Variants in FHOD3 observed in about 807,000 individuals in gnomAD.
The protein encoded by FHOD3 is FH1/FH2 domain-containing protein 3.
In FHOD3, 90 loss-of-function variants were observed where a neutral mutation model predicts 173.0. The observed-to-expected ratio is 0.52, with a 90% confidence interval of 0.44 to 0.62. The LOEUF is 0.62. Among genes scored for constraint, FHOD3 ranks in the 20% least tolerant of loss-of-function variants. The pLI is 0.00. For synonymous variants in FHOD3, 828 were observed against 823.0 expected (o/e 1.01, Z -0.10); for missense variants, 1,945 against 2,034.7 (o/e 0.96, Z 0.85).
At chr18:36,574,259 G>C (rs1279501696) in intron 5 of FHOD3, among the ~76,000 whole-genome samples, 1 of 152,180 alleles carries the variant, frequency 6.6e-6, no homozygotes, top group Middle Eastern at 3.4e-3. Context: ...AACCTCTCTA[G>C]TGTTTGATAC....
chr18:36,743,908 A>G (rs895542967), intron 22 of FHOD3, 124 bp from the exon 23 acceptor site: 1 of 1,070,990 alleles, frequency 9.3e-7, no homozygotes, highest in African/African-American at 1.6e-5. Flanking sequence ...ATGTGGCCCC[A>G]GGAGCTTCAG....
chr18:36,380,038 G>A (rs745399637), intron 3 of FHOD3, among the ~76,000 whole-genome samples: 1 of 152,170 alleles, frequency 6.6e-6, no homozygotes, highest in Non-Finnish European at 1.5e-5. Context: ...TGTTGTATTA[G>A]AAATACCTAA....
At chr18:36,687,022 G>A in intron 15 of FHOD3, 106 bp from the exon 16 acceptor site, 2 of 751,854 alleles carry the variant, frequency 2.7e-6, no homozygotes, top group Non-Finnish European at 4.3e-6. Context: ...TTCTGAGGCA[G>A]TGCCAGTCTT....
At chr18:36,725,122 TCCTGTACCTGGAG>T (rs147655089) in intron 19 of FHOD3, among the ~76,000 whole-genome samples, 2,408 of 152,316 alleles carry the variant, frequency 0.016, 51 homozygotes, top group African/African-American at 0.055. Flanking sequence ...TAGTCTAGCA[TCCTGTACCTGGAG>T]CCTGGGCTCA....
At chr18:36,553,397 C>A (rs996486612) in intron 5 of FHOD3, among the ~76,000 whole-genome samples, 3 of 152,184 alleles carry the variant, frequency 2.0e-5, no homozygotes, top group African/African-American at 4.8e-5. Flanking sequence ...AGGAATGGTA[C>A]CAGCTCTTCT....
chr18:36,332,475 G>A (rs2045070858), intron 1 of FHOD3, among the ~76,000 whole-genome samples: 2 of 152,240 alleles, frequency 1.3e-5, no homozygotes, highest in Admixed American at 6.5e-5. Context: ...AGATGCTCCT[G>A]CTAGAGATGT....
chr18:36,330,585 C>T (rs558429507), intron 1 of FHOD3, among the ~76,000 whole-genome samples: 1 of 152,074 alleles, frequency 6.6e-6, no homozygotes, highest in Non-Finnish European at 1.5e-5. Context: ...CTGTGGCGTG[C>T]AGGGCTGACC....
At chr18:36,619,746 A>G (rs80102630) in intron 9 of FHOD3, among the ~76,000 whole-genome samples, 22,204 of 152,286 alleles carry the variant, frequency 0.15, 1,734 homozygotes, top group African/African-American at 0.18. Flanking sequence ...TGCAGACAGC[A>G]ATCAAGAACG....
intron 19 of FHOD3, among the ~76,000 whole-genome samples, chr18:36,729,428 G>A (rs1385079974): frequency 1.3e-5 from 2 of 152,202 alleles, no homozygotes; most frequent in South Asian, 4.1e-4. Context: ...TCACCCCACA[G>A]ACACTGTCTT....
intron 4 of FHOD3, among the ~76,000 whole-genome samples, 167 bp downstream of exon 4, chr18:36,502,166 T>A (rs2055065647): frequency 6.6e-6 from 1 of 152,186 alleles, no homozygotes; most frequent in Non-Finnish European, 1.5e-5. Flanking sequence ...TGAGAATTTT[T>A]ATCATGTCAA....
chr18:36,460,881 G>A (rs2052508299), intron 3 of FHOD3, among the ~76,000 whole-genome samples: 1 of 152,172 alleles, frequency 6.6e-6, no homozygotes, highest in Non-Finnish European at 1.5e-5. Flanking sequence ...ACATGCTCCT[G>A]CTCCCCCTTC....
chr18:36,722,366 C>T (rs4799430), intron 19 of FHOD3, among the ~76,000 whole-genome samples: 75,060 of 151,900 alleles, frequency 0.49, 18,724 homozygotes, highest in African/African-American at 0.54. Context: ...TCTCAAAGGG[C>T]AGCTTCTATG....
At chr18:36,688,564 C>T (rs1177135879) in intron 16 of FHOD3, among the ~76,000 whole-genome samples, 4 of 152,224 alleles carry the variant, frequency 2.6e-5, no homozygotes, top group Admixed American at 2.0e-4. Context: ...TTATATTTCT[C>T]ACTAGTACCT....
Position 36,355,657 on chromosome 18 carries a change from T to C in FHOD3, c.272+12T>C. 3 of 1,610,650 alleles carry C rather than the reference T, an allele frequency of 1.9e-6. No homozygotes were observed. The highest frequency in any genetic ancestry group is 2.5e-6 in the Non-Finnish European group (3 of 1,176,890). ...CAGGATGACGCCGGGTAAGAGCAACTGTTCACCCTGCTGACTGGTCCCCAC... is the reference window on the plus strand; with the variant it reads ...CAGGATGACGCCGGGTAAGAGCAACCGTTCACCCTGCTGACTGGTCCCCAC... On this transcript the variant is annotated intron_variant, in intron 2 of 28. Transcript: ENST00000590592.
rs1430443269 is a variant in FHOD3 at position 36,718,187 on chromosome 18, G to T, written c.2889G>T (p.Lys963Asn). The change falls in exon 19 of 29, where the codon AAG (lysine) becomes AAT (asparagine). Residue 963 changes from lysine to asparagine, a missense_variant. Physicochemically the swap from Lys to Asn is moderately conservative, Grantham distance 94. This residue lies in a region of FHOD3 where 1,099 missense variants were observed against 1,051.2 expected (regional missense o/e 1.05). Transcript: ENST00000590592. Reference sequence around the variant, plus strand: ...CCCCTGATGCTGAGCCCAATGACAAGGTCCCAGAAACAGCGCCGGTGCAGC... The same window carrying T: ...CCCCTGATGCTGAGCCCAATGACAATGTCCCAGAAACAGCGCCGGTGCAGC... ...SISPDAEPND[K>N]VPETAPVQPK... is the part of the protein sequence containing the mutation. 1 of 1,613,498 alleles carries T rather than the reference G, an allele frequency of 6.2e-7. No homozygotes were observed. Among genetic ancestry groups the T allele is most frequent in the Non-Finnish European group, 8.5e-7 (1 of 1,179,704 alleles).
At chr18:36,498,842 A>G (rs1197487193) in intron 3 of FHOD3, among the ~76,000 whole-genome samples, 1 of 152,170 alleles carries the variant, frequency 6.6e-6, no homozygotes, top group East Asian at 1.9e-4. Flanking sequence ...ATTTTTTTCT[A>G]ATATTTAATT....
At chr18:36,628,201 G>T (rs991306586) in intron 10 of FHOD3, among the ~76,000 whole-genome samples, 4 of 152,162 alleles carry the variant, frequency 2.6e-5, no homozygotes, top group Non-Finnish European at 2.9e-5. Flanking sequence ...AGACAGGACA[G>T]GTTTTATTAA....
At chr18:36,666,476 A>G (rs903252707) in intron 14 of FHOD3, among the ~76,000 whole-genome samples, 3 of 152,228 alleles carry the variant, frequency 2.0e-5, no homozygotes, top group South Asian at 2.1e-4. Context: ...GTCCTGTATC[A>G]TTAGACAGGG....
intron 1 of FHOD3, among the ~76,000 whole-genome samples, chr18:36,307,164 A>G (rs1377377835): frequency 6.6e-6 from 1 of 151,770 alleles, no homozygotes; most frequent in Non-Finnish European, 1.5e-5. Flanking sequence ...GGGTTTCACC[A>G]TGTTGGCCAG....
Sources: gnomAD v4.1 joint callset for allele counts (sites outside exome capture counted in the v4.1 genomes callset) on GRCh38, gnomAD v4.1.1 for gene constraint, gnomAD v4.1.1 regional missense constraint, MANE v1.5 for transcripts, NCBI Gene and HGNC (gene_info 2026-07-23, HGNC 2026-07-21) for gene names.